The following FAM222B variants were observed in gnomAD, a reference collection of about 807,000 sequenced individuals.
FAM222B encodes the protein protein FAM222B.
A neutral mutation model predicts 38.0 loss-of-function variants in FAM222B; 12 were observed. The ratio of observed to expected loss-of-function variants is 0.32; its 90% CI spans 0.20 to 0.51. The LOEUF is 0.51. FAM222B is among the 20% of genes least tolerant of loss of function. The pLI, the probability that FAM222B is intolerant of heterozygous loss-of-function variation, is 0.97. For synonymous variants in FAM222B, 329 were observed against 317.2 expected (o/e 1.04, Z -0.40); for missense variants, 716 against 754.2 (o/e 0.95, Z 0.59).
At chr17:28,777,601 T>G (rs1390357856) in intron 1 of FAM222B, among the ~76,000 whole-genome samples, 1 of 152,168 alleles carries the variant, frequency 6.6e-6, no homozygotes, top group African/African-American at 2.4e-5. Flanking sequence ...ATTCAGACAA[T>G]AAATGTTTAA....
At chr17:28,809,941 T>A (rs1567869571) in intron 1 of FAM222B, among the ~76,000 whole-genome samples, 1 of 152,106 alleles carries the variant, frequency 6.6e-6, no homozygotes, top group East Asian at 1.9e-4. Flanking sequence ...AGGGCAAACT[T>A]GTTTTTTGAC....
intron 1 of FAM222B, among the ~76,000 whole-genome samples, chr17:28,791,874 AG>A (rs2151873913): frequency 6.6e-6 from 1 of 150,750 alleles, no homozygotes; most frequent in Non-Finnish European, 1.5e-5. Context: ...TGGCTAGGCT[AG>A]TCTCCTACTC....
chr17:28,816,838 T>A (rs1302849479), intron 1 of FAM222B, among the ~76,000 whole-genome samples: 1 of 152,126 alleles, frequency 6.6e-6, no homozygotes, highest in African/African-American at 2.4e-5. Context: ...TAATTTTTTT[T>A]AAGGGAATTC....
intron 1 of FAM222B, among the ~76,000 whole-genome samples, chr17:28,776,589 T>C (rs935455532): frequency 1.3e-5 from 2 of 150,316 alleles, no homozygotes; most frequent in African/African-American, 4.9e-5. Context: ...CGTGTGTAGC[T>C]GGGACCAGGG....
chr17:28,853,103 A>G (rs527237242), intron 1 of FAM222B, among the ~76,000 whole-genome samples: 12 of 151,916 alleles, frequency 7.9e-5, no homozygotes, highest in African/African-American at 2.9e-4. Flanking sequence ...TGAGGCAGGA[A>G]AATCACTTCA....
intron 1 of FAM222B, among the ~76,000 whole-genome samples, chr17:28,805,363 C>T (rs1014170875): frequency 6.6e-6 from 1 of 152,142 alleles, no homozygotes; most frequent in Non-Finnish European, 1.5e-5. Context: ...GGTGAAACCC[C>T]GTCTCTACTG....
chr17:28,845,314 T>A (rs1410184839), upstream of FAM222B, among the ~76,000 whole-genome samples: 1 of 150,304 alleles, frequency 6.7e-6, no homozygotes, highest in Non-Finnish European at 1.5e-5. Context: ...GGCGGGAGAA[T>A]GGCGTGAAGC....
intron 1 of FAM222B, among the ~76,000 whole-genome samples, chr17:28,771,999 GTGAGCCAAGA>G (rs2035656771): frequency 6.6e-6 from 1 of 152,186 alleles, no homozygotes; most frequent in Non-Finnish European, 1.5e-5. Flanking sequence ...GGAGCTTGCA[GTGAGCCAAGA>G]TGGCGCCACT....
chr17:28,790,848 T>A (rs2151869047), intron 1 of FAM222B, among the ~76,000 whole-genome samples: 1 of 145,372 alleles, frequency 6.9e-6, no homozygotes, highest in Admixed American at 7.1e-5. Flanking sequence ...ATTTCTAGCA[T>A]ACTTACAACT....
intron 1 of FAM222B, among the ~76,000 whole-genome samples, chr17:28,816,151 C>A (rs1430970640): frequency 6.7e-6 from 1 of 150,262 alleles, no homozygotes; most frequent in Non-Finnish European, 1.5e-5. Context: ...GTAGTGGGGG[C>A]CTGTAATCCC....
intron 2 of FAM222B, chr17:28,762,195 G>A (rs1001173669): frequency 7.2e-5 from 11 of 152,184 alleles, no homozygotes; most frequent in Non-Finnish European, 1.6e-4. Flanking sequence ...ATGAGGGTAG[G>A]GAGGGTGGCC....
At chr17:28,767,718 C>T (rs576386770) in intron 1 of FAM222B, among the ~76,000 whole-genome samples, 15 of 152,194 alleles carry the variant, frequency 9.9e-5, no homozygotes, top group South Asian at 6.2e-4. Flanking sequence ...TCAGGTGGTC[C>T]GCCCGCCTCA....
At chr17:28,810,384 A>G (rs1426021779) in intron 1 of FAM222B, among the ~76,000 whole-genome samples, 3 of 152,150 alleles carry the variant, frequency 2.0e-5, no homozygotes, top group Admixed American at 2.0e-4. Flanking sequence ...TGTTTTATAT[A>G]CTAGCTAACT....
chr17:28,811,002 T>C (rs910317193), intron 1 of FAM222B, among the ~76,000 whole-genome samples: 6 of 152,148 alleles, frequency 3.9e-5, no homozygotes, highest in South Asian at 2.1e-4. Context: ...CGTGGGAAAC[T>C]GAACCTGTAT....
intron 1 of FAM222B, among the ~76,000 whole-genome samples, chr17:28,805,723 A>C (rs1384984106): frequency 2.0e-5 from 3 of 152,186 alleles, no homozygotes; most frequent in Admixed American, 2.0e-4. Context: ...AGTGTAATAC[A>C]GGTTCTTGGC....
At chr17:28,848,437 A>G (rs934371689) in intron 1 of FAM222B, among the ~76,000 whole-genome samples, 1 of 151,952 alleles carries the variant, frequency 6.6e-6, no homozygotes, top group Admixed American at 6.6e-5. Flanking sequence ...TTGGCAGGGG[A>G]AAAATCCACT....
intron 1 of FAM222B, among the ~76,000 whole-genome samples, chr17:28,808,268 A>G (rs905863267): frequency 6.6e-6 from 1 of 152,214 alleles, no homozygotes; most frequent in African/African-American, 2.4e-5. Context: ...CAACCATTTG[A>G]TCTAGGAGAG....
At chr17:28,780,366 A>G (rs574236174) in intron 1 of FAM222B, among the ~76,000 whole-genome samples, 1 of 152,306 alleles carries the variant, frequency 6.6e-6, no homozygotes, top group East Asian at 1.9e-4. Context: ...TACATATAGA[A>G]AACGCTAAAG....
chr17:28,849,439 G>GA (rs1203805222), intron 1 of FAM222B: 1 of 152,200 alleles, frequency 6.6e-6, no homozygotes, highest in Non-Finnish European at 1.5e-5. Context: ...TACACTCCAG[G>GA]AACTCACCAG....
Sources: gnomAD v4.1 joint callset for allele counts (sites outside exome capture counted in the v4.1 genomes callset) on GRCh38, gnomAD v4.1.1 for gene constraint, MANE v1.5 for transcripts, NCBI Gene and HGNC (gene_info 2026-07-23, HGNC 2026-07-21) for gene names.